Variants in RGSL1 observed in about 807,000 individuals in gnomAD.
RGSL1 encodes regulator of G protein signaling protein-like.
RGSL1 carries 97 observed loss-of-function variants against 124.7 expected under a neutral mutation model. The observed-to-expected ratio is 0.78, with a 90% CI of 0.66 to 0.92. The LOEUF is 0.92. Among genes scored for constraint, RGSL1 ranks in the 40% least tolerant of loss-of-function variants. The pLI, the probability that RGSL1 is intolerant of heterozygous loss-of-function variation, is 0.00. For missense variants in RGSL1, 1,233 were observed against 1,288.4 expected (o/e 0.96, Z 0.66); for synonymous variants, 424 against 438.1 (o/e 0.97, Z 0.40).
Position 182,551,104 on chromosome 1 carries a change from T to C in RGSL1, c.2938T>C (p.Cys980Arg). 6.4e-6 allele frequency: 10 copies of C among 1,551,308 alleles called. No individual in the cohort carries two copies. Among genetic ancestry groups the C allele is most frequent in the Non-Finnish European group, 8.7e-6 (10 of 1,146,608 alleles). ...PVVMYFWKRF[C>R]FWKATRSYLQ... ...CAGAAGCCATTCTTCCCACAGGTTT[T>C]GTTTCTGGAAGGCAACCCGCTCTTA... The change falls in exon 18 of 22, where the codon TGT becomes CGT. Residue 980 changes from cysteine to arginine, a missense_variant. Transcript: ENST00000294854.
chr1:182,540,317 A>G lies in RGSL1; in HGVS notation c.2565A>G (p.Gln855=). Residue 855 remains glutamine (Q), a synonymous_variant, in exon 15 of 22, where the codon CAA becomes CAG. Transcript: ENST00000294854. ...PPSTNVRSAD[Q]ENGEITLVKR... is the part of the protein sequence containing the mutation. The stretch of plus-strand genomic sequence containing the variant: ...CCACAAATGTCCGGAGTGCAGACCA[A>G]GAGAATGGAGAAATAACCCTTGTAA... 1.3e-6 allele frequency: 2 copies of G among 1,551,580 alleles called. No individual in the cohort carries two copies. Among genetic ancestry groups the G allele is most frequent in the Non-Finnish European group, 1.7e-6 (2 of 1,146,826 alleles).
chr1:182,474,269 C>G lies in RGSL1; in HGVS notation c.1158C>G (p.Asp386Glu). The change falls in exon 6 of 22, where the codon GAC (aspartate) becomes GAG (glutamate). Residue 386 changes from aspartate (D) to glutamate (E), a missense_variant. Transcript: ENST00000294854. ...ADACAGNPFRDHLKKLNLKVE... is the reference protein window; with the variant it reads ...ADACAGNPFREHLKKLNLKVE... ...CCTGTGCAGGGAACCCTTTCCGGGACCACCTGAAGAAGCTGAATTTGAAAG... is the reference window on the plus strand; with the variant it reads ...CCTGTGCAGGGAACCCTTTCCGGGAGCACCTGAAGAAGCTGAATTTGAAAG... 6.4e-7 allele frequency: 1 copy of G among 1,551,788 alleles called. No individual in the cohort carries two copies. Among genetic ancestry groups the G allele is most frequent in the Non-Finnish European group, 8.7e-7 (1 of 1,147,012 alleles).
chr1:182,545,639 T>C (rs55947053), intron 15 of RGSL1, among the ~76,000 whole-genome samples: 184 of 152,312 alleles, frequency 1.2e-3, no homozygotes, highest in African/African-American at 4.1e-3. Context: ...AAAGGCTCTC[T>C]CTCCTTCACA....
chr1:182,541,324 A>G (rs1348164790), intron 15 of RGSL1, among the ~76,000 whole-genome samples: 1 of 152,102 alleles, frequency 6.6e-6, no homozygotes, highest in Non-Finnish European at 1.5e-5. Flanking sequence ...AACATGTGAT[A>G]TTTGTCCTTC....
intron 9 of RGSL1, among the ~76,000 whole-genome samples, chr1:182,514,745 G>T (rs79376649): frequency 0.024 from 3,657 of 152,228 alleles, 143 homozygotes; most frequent in African/African-American, 0.081. Flanking sequence ...AGCTGGATAG[G>T]ACCTTTCTAC....
chr1:182,465,154 A>G (rs1456309080), intron 4 of RGSL1, among the ~76,000 whole-genome samples: 2 of 149,104 alleles, frequency 1.3e-5, no homozygotes, highest in Non-Finnish European at 2.9e-5. Flanking sequence ...ATAGAAGAGT[A>G]CTCTGAACAA....
At chr1:182,485,995 A>T (rs1655067210) in intron 6 of RGSL1, among the ~76,000 whole-genome samples, 1 of 152,160 alleles carries the variant, frequency 6.6e-6, no homozygotes, top group African/African-American at 2.4e-5. Context: ...TATATCATAA[A>T]ATATTTACCA....
intron 3 of RGSL1, 43 bp downstream of exon 3, chr1:182,458,436 T>A: frequency 7.1e-7 from 1 of 1,413,176 alleles, no homozygotes; most frequent in Non-Finnish European, 9.7e-7. Flanking sequence ...GGGTGGAGAA[T>A]GAGGGAACTA....
chr1:182,497,908 T>A (rs1656052110), intron 9 of RGSL1, among the ~76,000 whole-genome samples: 1 of 152,194 alleles, frequency 6.6e-6, no homozygotes, highest in South Asian at 2.1e-4. Context: ...CCTCTTTTTG[T>A]AGAAATGGGG....
intron 14 of RGSL1, among the ~76,000 whole-genome samples, chr1:182,539,605 C>T (rs1489505237): frequency 6.6e-6 from 1 of 152,192 alleles, no homozygotes; most frequent in Admixed American, 6.5e-5. Context: ...AACTAGGGTC[C>T]ATTTGTCAGA....
In RGSL1 at chr1:182,479,752, T is replaced by C. The variant is rs1183261762; in HGVS notation, c.1431+5210T>C. 2.0e-5 allele frequency among the ~76,000 whole-genome samples: 3 copies of C among 152,102 alleles called. No homozygotes were observed. The East Asian group carries it at 5.8e-4, about 29-fold the overall frequency. On this transcript the variant is annotated intron_variant, in intron 6 of 21. Coordinates refer to ENST00000294854, the MANE Select transcript of RGSL1 (RefSeq NM_001137669.2). ...AAGATACAAAAGACTCATGATAGAT[T>C]TAAGAACACAGATAGGCTGAAAGTG...
upstream of RGSL1, chr1:182,448,088 A>C (rs1651582881): frequency 6.6e-6 from 1 of 152,168 alleles, no homozygotes; most frequent in Admixed American, 6.6e-5. Context: ...TTCCAGGGTA[A>C]CTGTGCACTT....
intron 2 of RGSL1, among the ~76,000 whole-genome samples, chr1:182,457,824 A>G (rs1652470467): frequency 6.6e-6 from 1 of 152,220 alleles, no homozygotes; most frequent in Non-Finnish European, 1.5e-5. Context: ...GAATTACATT[A>G]TCAATTTTGG....
At chr1:182,461,754 AAAAG>A (rs1187296126) in intron 4 of RGSL1, among the ~76,000 whole-genome samples, 2 of 152,114 alleles carry the variant, frequency 1.3e-5, no homozygotes, top group African/African-American at 4.8e-5. Flanking sequence ...TAGAGCAGGC[AAAAG>A]AAAGAATCAG....
chr1:182,510,111 T>C (rs1657292132), intron 9 of RGSL1, among the ~76,000 whole-genome samples: 1 of 26,594 alleles, frequency 3.8e-5, no homozygotes, highest in African/African-American at 1.8e-4. Flanking sequence ...CCTCACTTCC[T>C]AGATGTGATG....
At chr1:182,532,629 A>T in intron 13 of RGSL1, 33 bp from the exon 14 acceptor site, 1 of 1,546,842 alleles carries the variant, frequency 6.5e-7, no homozygotes, top group Non-Finnish European at 8.7e-7. Context: ...AACCATACTA[A>T]TGAACATGTT....
In RGSL1 at chr1:182,460,082, C is replaced by T; in HGVS notation, c.250C>T (p.His84Tyr). ...PFFCKTNLCF[H>Y]YILCQEFISF... ...CTTCTGTAAAACAAACTTGTGTTTC[C>T]ATTACATTCTCTGTCAGGAGTTCAT... The change falls in exon 4 of 22, where the codon CAT becomes TAT. Residue 84 changes from histidine to tyrosine, a missense_variant. His to Tyr is a moderately conservative substitution (Grantham distance 83). Coordinates refer to ENST00000294854, the MANE Select transcript of RGSL1 (RefSeq NM_001137669.2). 2 of 1,551,530 alleles carry T rather than the reference C, an allele frequency of 1.3e-6. No homozygotes were observed. The highest frequency in any genetic ancestry group is 1.7e-6 in the Non-Finnish European group (2 of 1,146,948).
At chr1:182,484,987 G>A (rs1654993873) in intron 6 of RGSL1, among the ~76,000 whole-genome samples, 2 of 152,150 alleles carry the variant, frequency 1.3e-5, no homozygotes, top group South Asian at 4.1e-4. Context: ...AGATGGTATA[G>A]CACGGTAGTC....
At chr1:182,520,497 T>C (rs1467982962) in intron 9 of RGSL1, among the ~76,000 whole-genome samples, 2 of 152,256 alleles carry the variant, frequency 1.3e-5, no homozygotes, top group Non-Finnish European at 1.5e-5. Context: ...ATTGTGACTT[T>C]AACACTGCAA....
Sources: allele counts gnomAD v4.1 joint callset (sites outside exome capture counted in the v4.1 genomes callset), GRCh38; gene constraint gnomAD v4.1.1; transcripts MANE v1.5; gene names NCBI Gene and HGNC (gene_info 2026-07-23, HGNC 2026-07-21).